Variants in RFTN1 observed in about 807,000 individuals in gnomAD.
RFTN1 encodes the protein raftlin.
A neutral mutation model predicts 46.5 loss-of-function variants in RFTN1; 26 were observed. The observed-to-expected ratio is 0.56, with a 90% CI of 0.41 to 0.78. The LOEUF (loss-of-function observed/expected upper bound fraction) is 0.78. Among genes scored for constraint, RFTN1 ranks in the 30% least tolerant of loss-of-function variants. The probability of loss-of-function intolerance (pLI) is 0.00; values close to 1 mark genes in which losing one functional copy is unlikely to be tolerated. For missense variants in RFTN1, 693 were observed against 718.7 expected (o/e 0.96, Z 0.41); for synonymous variants, 261 against 284.2 (o/e 0.92, Z 0.82).
intron 2 of RFTN1, among the ~76,000 whole-genome samples, chr3:16,464,153 T>C (rs1422170681): frequency 6.6e-6 from 1 of 152,190 alleles, no homozygotes; most frequent in African/African-American, 2.4e-5. Flanking sequence ...AAGCCAACTG[T>C]GCATTTCTGG....
In RFTN1 at chr3:16,474,664, T is replaced by C. The variant is rs544572438; in HGVS notation, c.145+19061A>G. On this transcript the variant is annotated intron_variant, in intron 2 of 9. Transcript: ENST00000334133. This position sits in a 1 kb window ranked among gnomAD's most constrained non-coding sequence, Gnocchi z 5.5. Reference sequence around the variant, plus strand: ...TTTAAACCACTGATTCACCATGCAATGCAGTGTTAAAGTCAAAAGAACCTT... The same window carrying C: ...TTTAAACCACTGATTCACCATGCAACGCAGTGTTAAAGTCAAAAGAACCTT... 2.6e-5 allele frequency among the ~76,000 whole-genome samples: 4 copies of C among 152,326 alleles called. No individual in the cohort carries two copies. The highest frequency in any genetic ancestry group is 2.6e-4 in the Admixed American group (4 of 15,308).
At chr3:16,403,839 A>AAT (rs547008146) in intron 4 of RFTN1, among the ~76,000 whole-genome samples, 2,459 of 7,226 alleles carry the variant, frequency 0.34, 580 homozygotes, top group African/African-American at 0.58. Flanking sequence ...ATATAAATAT[A>AAT]ATATAATATA....
chr3:16,378,206 A>T, intron 4 of RFTN1, 104 bp from the exon 5 acceptor site: 1 of 896,358 alleles, frequency 1.1e-6, no homozygotes, highest in Non-Finnish European at 1.7e-6. Flanking sequence ...AGGCTGTTTC[A>T]GGTGCAGGAG....
chr3:16,392,862 T>C (rs544115253), intron 4 of RFTN1, among the ~76,000 whole-genome samples: 1 of 152,234 alleles, frequency 6.6e-6, no homozygotes, highest in East Asian at 1.9e-4. Context: ...TGAAAAAAGC[T>C]ACTTGGAGTT....
At chr3:16,326,514 G>A (rs1198895629) in intron 8 of RFTN1, among the ~76,000 whole-genome samples, 3 of 152,214 alleles carry the variant, frequency 2.0e-5, no homozygotes, top group Non-Finnish European at 2.9e-5. Flanking sequence ...CTCAGTCTGA[G>A]CGGCTCATCT....
intron 4 of RFTN1, among the ~76,000 whole-genome samples, chr3:16,390,287 C>G (rs181524431): frequency 2.0e-5 from 3 of 152,176 alleles, no homozygotes; most frequent in African/African-American, 7.2e-5. Flanking sequence ...AGTGTAAAAT[C>G]TAAATCCTTT....
At chr3:16,358,624 T>G (rs1205529626) in intron 6 of RFTN1, among the ~76,000 whole-genome samples, 1 of 152,138 alleles carries the variant, frequency 6.6e-6, no homozygotes, top group Non-Finnish European at 1.5e-5. Flanking sequence ...CTGGAAATGT[T>G]TCCCTGGGTG....
chr3:16,351,085 A>G lies in RFTN1; in HGVS notation c.1146+6847T>C, dbSNP rs1297767106. On this transcript the variant is annotated intron_variant, in intron 7 of 9. Transcript: ENST00000334133. This position sits in a 1 kb window ranked among gnomAD's most constrained non-coding sequence, Gnocchi z 5.4. ...ATTACACAGGATTCACAGGATTATG[A>G]GACAGGGTTACAGGCCAGAGTAGGT... Among the ~76,000 whole-genome samples the G allele has an allele frequency of 1.3e-5, 2 of 152,236 alleles. No homozygotes were observed. The highest frequency in any genetic ancestry group is 4.8e-5 in the African/African-American group (2 of 41,458).
intron 2 of RFTN1, 88 bp downstream of exon 2, chr3:16,493,637 A>T: frequency 1.0e-6 from 1 of 986,330 alleles, no homozygotes; most frequent in Non-Finnish European, 1.4e-6. Context: ...CCCCCACCCC[A>T]TCCAGCTCTC....
rs2075437613 is a variant in RFTN1 at position 16,433,587 on chromosome 3, G to A, written c.332+264C>T. 6.6e-6 allele frequency among the ~76,000 whole-genome samples: 1 copy of A among 152,154 alleles called. No homozygotes were observed. The highest frequency in any genetic ancestry group is 1.5e-5 in the Non-Finnish European group (1 of 68,024). ...TCTGAGGAGACATTTTTCTAGCTGAGTTTAATCCAGTGAGTTAAAAGAGGG... is the reference window on the plus strand; with the variant it reads ...TCTGAGGAGACATTTTTCTAGCTGAATTTAATCCAGTGAGTTAAAAGAGGG... On this transcript the variant is annotated intron_variant, in intron 3 of 9. Coordinates refer to ENST00000334133, the MANE Select transcript of RFTN1 (RefSeq NM_015150.2). The surrounding 1 kb of genome is among the most constrained non-coding windows in gnomAD (Gnocchi z 4.4).
rs770362406 is a variant in RFTN1 at position 16,493,723 on chromosome 3, A to C, written c.145+2T>G. On this transcript the variant is annotated splice_donor_variant, in intron 2 of 9. Transcript: ENST00000334133. LOFTEE classifies it high-confidence loss of function. The stretch of plus-strand genomic sequence containing the variant: ...CCATCCATTCCCACCCCATGTACTC[A>C]CCAGCACTCAGAGTCGTGAACTCCA... 6.2e-7 allele frequency: 1 copy of C among 1,600,528 alleles called. No homozygotes were observed. Among genetic ancestry groups the C allele is most frequent in the South Asian group, 1.1e-5 (1 of 90,780 alleles).
At chr3:16,438,752 C>T (rs543154921) in intron 2 of RFTN1, among the ~76,000 whole-genome samples, 64 of 152,168 alleles carry the variant, frequency 4.2e-4, no homozygotes, top group African/African-American at 1.4e-3. Context: ...GTGAGGATCA[C>T]GTGGGATGAT....
At chr3:16,485,604 G>A (rs1166721874) in intron 2 of RFTN1, among the ~76,000 whole-genome samples, 1 of 152,240 alleles carries the variant, frequency 6.6e-6, no homozygotes, top group African/African-American at 2.4e-5. Flanking sequence ...ATTCAACAGT[G>A]ACACAGCAGA....
intron 1 of RFTN1, among the ~76,000 whole-genome samples, chr3:16,494,270 A>T (rs2076589532): frequency 1.3e-5 from 2 of 152,224 alleles, no homozygotes. Flanking sequence ...TCTATAAAAA[A>T]CAAGAGATGT....
chr3:16,349,983 C>T (rs1029887068), intron 7 of RFTN1: 1 of 152,230 alleles, frequency 6.6e-6, no homozygotes, highest in African/African-American at 2.4e-5. Context: ...TTGAAGTCCA[C>T]TCACATTAGG....
chr3:16,426,295 T>G lies in RFTN1; in HGVS notation c.332+7556A>C, dbSNP rs2075289229. Reference sequence around the variant, plus strand: ...TATTTCGCTTAATTATGAAACCTCTTTCTAGAAGCCCTATAATTCTCCCAA... The same window carrying G: ...TATTTCGCTTAATTATGAAACCTCTGTCTAGAAGCCCTATAATTCTCCCAA... On this transcript the variant is annotated intron_variant, in intron 3 of 9. Coordinates refer to ENST00000334133, the MANE Select transcript of RFTN1 (RefSeq NM_015150.2). This position sits in a 1 kb window ranked among gnomAD's most constrained non-coding sequence, Gnocchi z 5.9. Among the ~76,000 whole-genome samples the G allele has an allele frequency of 1.3e-5, 2 of 152,300 alleles. No homozygotes were observed. Among genetic ancestry groups the G allele is most frequent in the African/African-American group, 4.8e-5 (2 of 41,566 alleles).
At position 16,447,123 on chromosome 3, in the gene RFTN1, A is replaced by G. The variant is rs2075746420; in HGVS notation, c.146-13086T>C. ...CTATCAGTGGATTCTCCTTTTCCTC[A>G]CTGTAGTGTAGACACACCATATATT... is the stretch of plus-strand genomic sequence containing the variant. On this transcript the variant is annotated intron_variant, in intron 2 of 9. Transcript: ENST00000334133. This position sits in a 1 kb window ranked among gnomAD's most constrained non-coding sequence, Gnocchi z 5.9. Among the ~76,000 whole-genome samples the G allele has an allele frequency of 6.6e-6, 1 of 152,190 alleles. No homozygotes were observed. The highest frequency in any genetic ancestry group is 1.5e-5 in the Non-Finnish European group (1 of 68,038).
chr3:16,325,979 A>T (rs1229113425), intron 8 of RFTN1, among the ~76,000 whole-genome samples: 1 of 152,244 alleles, frequency 6.6e-6, no homozygotes, highest in African/African-American at 2.4e-5. Flanking sequence ...CTGATTCTGC[A>T]GACTGAGGTT....
rs1216970499 is a variant in RFTN1, at chr3:16,449,637, A to C, written c.146-15600T>G. 6.6e-6 allele frequency among the ~76,000 whole-genome samples: 1 copy of C among 152,206 alleles called. No homozygotes were observed. The highest frequency in any genetic ancestry group is 6.5e-5 in the Admixed American group (1 of 15,282). ...TGTCATGTCCACGAGTTGATCCTTA[A>C]GTCTCGGAACCACTCCAGCTCTGCA... On this transcript the variant is annotated intron_variant, in intron 2 of 9. Coordinates refer to ENST00000334133, the MANE Select transcript of RFTN1 (RefSeq NM_015150.2). This position sits in a 1 kb window ranked among gnomAD's most constrained non-coding sequence, Gnocchi z 5.1.
Sources: gnomAD v4.1 joint callset for allele counts (sites outside exome capture counted in the v4.1 genomes callset) on GRCh38, gnomAD v4.1.1 for gene constraint, Gnocchi (gnomAD v3.1) non-coding constraint, MANE v1.5 for transcripts, NCBI Gene and HGNC (gene_info 2026-07-23, HGNC 2026-07-21) for gene names.